The following RFFL variants were observed in gnomAD, a reference collection of about 807,000 sequenced individuals.
The protein encoded by RFFL is E3 ubiquitin-protein ligase rififylin.
A neutral mutation model predicts 40.4 loss-of-function variants in RFFL; 16 were observed. That is an observed-to-expected ratio of 0.40 (90% CI 0.27 to 0.60). The LOEUF is 0.60. RFFL is among the 20% of genes least tolerant of loss of function. The pLI, the probability that RFFL is intolerant of heterozygous loss-of-function variation, is 0.47. For synonymous variants in RFFL, 154 were observed against 167.9 expected (o/e 0.92, Z 0.64); for missense variants, 367 against 451.7 (o/e 0.81, Z 1.70).
chr17:35,009,649 G>A lies in RFFL; in HGVS notation c.*2319C>T, dbSNP rs1024506184. The A allele has an allele frequency of 1.3e-5, 2 of 151,218 alleles. No homozygotes were observed. The highest frequency in any genetic ancestry group is 2.4e-5 in the African/African-American group (1 of 41,124). The allele number at this position is 151,218 out of a possible 1,614,324, so 9.4% of individuals were successfully genotyped here. A position where few individuals can be genotyped will look rare whatever the true frequency, so the allele number is the denominator to read the frequency against. On this transcript the variant is annotated 3_prime_UTR_variant, in exon 7 of 7. Coordinates refer to ENST00000394597, the MANE Select transcript of RFFL (RefSeq NM_001017368.2). ...TCCTAAAGGGAAACCTTCACCAAAA[G>A]GGGATAAAAGATTTAAAGGCAAAAT... is the stretch of plus-strand genomic sequence containing the variant.
At chr17:35,085,470 C>A (rs1009078935) in intron 1 of RFFL, among the ~76,000 whole-genome samples, 1 of 152,196 alleles carries the variant, frequency 6.6e-6, no homozygotes, top group African/African-American at 2.4e-5. Context: ...GCTCTTGTTG[C>A]CCAGGCTGTA....
chr17:35,083,496 G>A (rs1597847191), intron 1 of RFFL, among the ~76,000 whole-genome samples: 1 of 152,172 alleles, frequency 6.6e-6, no homozygotes, highest in Non-Finnish European at 1.5e-5. Flanking sequence ...AAAAAGAAAA[G>A]CGGGTCAGGC....
At chr17:35,068,565 T>G (rs2091332153), upstream of RFFL, among the ~76,000 whole-genome samples, 1 of 152,236 alleles carries the variant, frequency 6.6e-6, no homozygotes, top group African/African-American at 2.4e-5. Context: ...TCCCCACTGG[T>G]GCAGTTACCA....
At chr17:35,072,696 G>A (rs2091356927) in intron 1 of RFFL, among the ~76,000 whole-genome samples, 1 of 151,942 alleles carries the variant, frequency 6.6e-6, no homozygotes, top group African/African-American at 2.4e-5. Context: ...TGGGAACTGT[G>A]TAGTGTTTTT....
At chr17:35,022,503 A>G (rs574960666) in intron 2 of RFFL, among the ~76,000 whole-genome samples, 40 of 152,252 alleles carry the variant, frequency 2.6e-4, no homozygotes, top group Non-Finnish European at 4.7e-4. Context: ...TCCCTGATTC[A>G]CAGACAAAGC....
At chr17:35,052,501 A>G (rs948691604) in intron 1 of RFFL, among the ~76,000 whole-genome samples, 1 of 152,174 alleles carries the variant, frequency 6.6e-6, no homozygotes, top group Non-Finnish European at 1.5e-5. Context: ...TCTGGGTAAA[A>G]AAAAGGGGGT....
Position 35,010,044 on chromosome 17 carries a change from A to G in RFFL, c.*1924T>C, listed in dbSNP as rs377397447. The stretch of plus-strand genomic sequence containing the variant: ...AGAATCAAATCATCCAGGACTTTGT[A>G]TAACATTGAGGTAAGTGGCCCAGTG... On this transcript the variant is annotated 3_prime_UTR_variant, in exon 7 of 7. Coordinates refer to ENST00000394597, the MANE Select transcript of RFFL (RefSeq NM_001017368.2). The G allele has an allele frequency of 1.3e-5, 2 of 152,680 alleles. No homozygotes were observed. Among genetic ancestry groups the G allele is most frequent in the Admixed American group, 1.3e-4 (2 of 15,290 alleles). The allele number at this position is 152,680 out of a possible 1,614,324, so 9.5% of individuals were successfully genotyped here.
At chr17:35,054,758 CAT>C (rs1043213020) in intron 1 of RFFL, among the ~76,000 whole-genome samples, 3 of 152,122 alleles carry the variant, frequency 2.0e-5, no homozygotes, top group African/African-American at 7.2e-5. Context: ...AGACAGAACT[CAT>C]AGTCTTCTTT....
In RFFL at chr17:35,021,631, C is replaced by T; in HGVS notation, c.331G>A (p.Asp111Asn). 1.2e-6 allele frequency: 2 copies of T among 1,614,226 alleles called. No individual in the cohort carries two copies. Among genetic ancestry groups the T allele is most frequent in the African/African-American group, 1.3e-5 (1 of 75,036 alleles). Residue 111 changes from aspartate (D) to asparagine (N), a missense_variant, in exon 3 of 7, where the codon GAC becomes AAC. Asp to Asn is a conservative substitution (Grantham distance 23). Transcript: ENST00000394597. Reference sequence around the variant, plus strand: ...GAGATGTCATGGAGGCTGAGATAGTCCCTCAAGTCCTTCACCTTCATCTTC... The same window carrying T: ...GAGATGTCATGGAGGCTGAGATAGTTCCTCAAGTCCTTCACCTTCATCTTC... Reference protein sequence around the residue: ...LMKMKVKDLRDYLSLHDISTE... With the variant: ...LMKMKVKDLRNYLSLHDISTE...
chr17:35,085,885 T>A (rs1430740482), intron 1 of RFFL, among the ~76,000 whole-genome samples: 2 of 152,214 alleles, frequency 1.3e-5, no homozygotes, highest in African/African-American at 4.8e-5. Context: ...AAGAACTTCA[T>A]GACAGTCTTA....
chr17:35,084,961 AAGGT>A (rs1385389947), intron 1 of RFFL, among the ~76,000 whole-genome samples: 2 of 152,108 alleles, frequency 1.3e-5, no homozygotes, highest in East Asian at 3.9e-4. Context: ...ATAAAAATAA[AAGGT>A]AGCGTCTACA....
intron 1 of RFFL, among the ~76,000 whole-genome samples, chr17:35,080,949 A>G (rs545291485): frequency 6.6e-6 from 1 of 152,382 alleles, no homozygotes; most frequent in African/African-American, 2.4e-5. Flanking sequence ...GTAGCATTGC[A>G]GAGCGGCAGC....
At chr17:35,080,793 T>G (rs777539449) in intron 1 of RFFL, among the ~76,000 whole-genome samples, 31 of 152,182 alleles carry the variant, frequency 2.0e-4, no homozygotes, top group Non-Finnish European at 3.2e-4. Context: ...CCAGGTGGAT[T>G]TCCCCTACTC....
intron 2 of RFFL, among the ~76,000 whole-genome samples, chr17:35,024,696 GAA>G (rs2091030480): frequency 6.6e-6 from 1 of 152,180 alleles, no homozygotes; most frequent in African/African-American, 2.4e-5. Flanking sequence ...ATAAGGAAAA[GAA>G]AAAGATAGTA....
chr17:35,065,640 C>T (rs1178108302), upstream of RFFL, among the ~76,000 whole-genome samples: 1 of 151,952 alleles, frequency 6.6e-6, no homozygotes, highest in African/African-American at 2.4e-5. Flanking sequence ...AAAGAGCAGC[C>T]TGAAGGCCAA....
intron 1 of RFFL, among the ~76,000 whole-genome samples, chr17:35,083,501 T>C (rs2091412751): frequency 6.6e-6 from 1 of 151,778 alleles, no homozygotes; most frequent in African/African-American, 2.4e-5. Flanking sequence ...GAAAAGCGGG[T>C]CAGGCACGGT....
intron 1 of RFFL, among the ~76,000 whole-genome samples, chr17:35,053,814 C>T (rs927124647): frequency 6.6e-6 from 1 of 152,164 alleles, no homozygotes; most frequent in African/African-American, 2.4e-5. Flanking sequence ...AATTTGATTG[C>T]CAGATCTCTT....
intron 6 of RFFL, among the ~76,000 whole-genome samples, chr17:35,014,323 T>C (rs1057504041): frequency 6.6e-6 from 1 of 152,118 alleles, no homozygotes; most frequent in Non-Finnish European, 1.5e-5. Context: ...CCTTTCTTTT[T>C]GGTTAGTACC....
intron 1 of RFFL, among the ~76,000 whole-genome samples, chr17:35,055,993 CA>C (rs945172746): frequency 1.4e-4 from 22 of 152,160 alleles, no homozygotes; most frequent in African/African-American, 5.3e-4. Context: ...GACCACCCAA[CA>C]ATCTCCACAT....
Sources: allele counts gnomAD v4.1 joint callset (sites outside exome capture counted in the v4.1 genomes callset), GRCh38; gene constraint gnomAD v4.1.1; transcripts MANE v1.5; gene names NCBI Gene and HGNC (gene_info 2026-07-23, HGNC 2026-07-21).